Variants in CSMD1 observed in about 807,000 individuals in gnomAD.
CSMD1 encodes the protein CUB and sushi domain-containing protein 1.
CSMD1 carries 213 observed loss-of-function variants against 417.5 expected under a neutral mutation model. The ratio of observed to expected loss-of-function variants is 0.51; its 90% CI spans 0.46 to 0.57. The LOEUF (loss-of-function observed/expected upper bound fraction) is 0.57, where lower values mean the gene tolerates loss of function less well. CSMD1 is among the 20% of genes least tolerant of loss of function. The pLI is 0.00. For synonymous variants in CSMD1, 2,862 were observed against 1,736.8 expected (o/e 1.65, Z -16.11); for missense variants, 6,923 against 4,529.7 (o/e 1.53, Z -15.17).
At chr8:4,787,829 T>G (rs10503283) in intron 1 of CSMD1, 116,996 of 1,571,586 alleles carry the variant, frequency 0.074, 5,386 homozygotes, top group East Asian at 0.24. Context: ...CAGGCTATAT[T>G]TGAAATGCTG....
At chr8:4,251,884 G>A (rs1472039895) in intron 3 of CSMD1, among the ~76,000 whole-genome samples, 2 of 150,254 alleles carry the variant, frequency 1.3e-5, no homozygotes, top group Non-Finnish European at 3.0e-5. Flanking sequence ...GAGGAAGAGG[G>A]GAAGGGAGGG....
intron 1 of CSMD1, among the ~76,000 whole-genome samples, chr8:4,758,107 C>G (rs1046662656): frequency 6.6e-6 from 1 of 152,040 alleles, no homozygotes; most frequent in Non-Finnish European, 1.5e-5. Flanking sequence ...TGAAACCAAC[C>G]AAAGGAAATA....
At chr8:3,254,837 T>C (rs1381280878) in intron 26 of CSMD1, among the ~76,000 whole-genome samples, 1 of 152,062 alleles carries the variant, frequency 6.6e-6, no homozygotes, top group East Asian at 1.9e-4. Flanking sequence ...TAGCTCGGGG[T>C]CGTTTGCTAG....
chr8:3,533,985 A>G lies in CSMD1; in HGVS notation c.1345-40259T>C, dbSNP rs183222455. ...CATGAAACAAAATTTTGTTTTGGCA[A>G]TATTTATATTTTAAATCTACTTTTG... On this transcript the variant is annotated intron_variant, in intron 10 of 69. Coordinates refer to ENST00000635120, the MANE Select transcript of CSMD1 (RefSeq NM_033225.6). 3.5e-3 allele frequency among the ~76,000 whole-genome samples: 531 copies of G among 152,302 alleles called. 7 individuals are homozygous for G. Among genetic ancestry groups the G allele is most frequent in the South Asian group, 0.019 (90 of 4,826 alleles).
chr8:3,633,494 C>T (rs1308256590), intron 7 of CSMD1, among the ~76,000 whole-genome samples: 1 of 152,098 alleles, frequency 6.6e-6, no homozygotes, highest in Non-Finnish European at 1.5e-5. Context: ...ATTTAGAAGT[C>T]AAATACAGAT....
At chr8:4,572,841 G>C (rs999593452) in intron 2 of CSMD1, among the ~76,000 whole-genome samples, 1 of 151,774 alleles carries the variant, frequency 6.6e-6, no homozygotes, top group African/African-American at 2.4e-5. Flanking sequence ...CTCTAATCTT[G>C]TCTTCATGCT....
intron 51 of CSMD1, among the ~76,000 whole-genome samples, chr8:3,023,081 G>A (rs1175693920): frequency 6.6e-6 from 1 of 152,182 alleles, no homozygotes; most frequent in East Asian, 1.9e-4. Flanking sequence ...TCCAGCAATG[G>A]AACGAAATGA....
chr8:3,104,310 T>C (rs571435289), intron 46 of CSMD1, among the ~76,000 whole-genome samples: 3 of 152,282 alleles, frequency 2.0e-5, no homozygotes, highest in East Asian at 3.9e-4. Context: ...GGCACAGACG[T>C]TGGCTTTCTT....
At chr8:3,017,857 T>G (rs1808984596) in intron 52 of CSMD1, among the ~76,000 whole-genome samples, 1 of 143,750 alleles carries the variant, frequency 7.0e-6, no homozygotes, top group Non-Finnish European at 1.5e-5. Context: ...TGGAGAAGGT[T>G]CAGAAGAACC....
chr8:3,511,788 A>G (rs989675140), intron 10 of CSMD1, among the ~76,000 whole-genome samples: 1 of 150,596 alleles, frequency 6.6e-6, no homozygotes, highest in Non-Finnish European at 1.5e-5. Context: ...ATAACATAAC[A>G]TAACATAACA....
At chr8:4,153,129 T>C (rs569310910) in intron 3 of CSMD1, among the ~76,000 whole-genome samples, 4 of 152,286 alleles carry the variant, frequency 2.6e-5, no homozygotes, top group Non-Finnish European at 5.9e-5. Flanking sequence ...GGCAATGTTG[T>C]ATTGAATACT....
At chr8:4,618,609 T>C (rs1403738844) in intron 2 of CSMD1, among the ~76,000 whole-genome samples, 2 of 152,158 alleles carry the variant, frequency 1.3e-5, no homozygotes, top group Non-Finnish European at 2.9e-5. Context: ...GATGTTTTTC[T>C]GAGCTTCAGA....
chr8:4,063,365 A>T (rs1452788228), intron 3 of CSMD1, among the ~76,000 whole-genome samples: 1 of 152,194 alleles, frequency 6.6e-6, no homozygotes, highest in African/African-American at 2.4e-5. Flanking sequence ...TGTGTATGAA[A>T]AATTTAAATA....
chr8:3,376,749 C>T (rs556712613), intron 18 of CSMD1, among the ~76,000 whole-genome samples: 1 of 151,960 alleles, frequency 6.6e-6, no homozygotes, highest in African/African-American at 2.4e-5. Context: ...CCAGCACAGA[C>T]ACTGAGTTTA....
intron 26 of CSMD1, among the ~76,000 whole-genome samples, chr8:3,233,965 G>C (rs542986073): frequency 9.8e-5 from 15 of 152,292 alleles, no homozygotes; most frequent in African/African-American, 3.1e-4. Flanking sequence ...TGAGTTGCAT[G>C]CATCTATGTC....
chr8:4,665,712 T>A (rs893677668), intron 1 of CSMD1, among the ~76,000 whole-genome samples: 13 of 152,262 alleles, frequency 8.5e-5, no homozygotes, highest in African/African-American at 2.7e-4. Flanking sequence ...CTCTTTGTTC[T>A]GAGTAGTGCT....
At chr8:3,165,177 G>C (rs903567880) in intron 37 of CSMD1, among the ~76,000 whole-genome samples, 1 of 151,968 alleles carries the variant, frequency 6.6e-6, no homozygotes, top group Non-Finnish European at 1.5e-5. Context: ...TACACACCCA[G>C]TATATGTTAG....
intron 46 of CSMD1, 121 bp downstream of exon 46, chr8:3,106,407 T>G: frequency 1.6e-6 from 1 of 612,652 alleles, no homozygotes; most frequent in Non-Finnish European, 2.7e-6. Flanking sequence ...CCAAGATAAA[T>G]AAATAAATAA....
At chr8:4,455,152 A>G (rs192754019) in intron 2 of CSMD1, among the ~76,000 whole-genome samples, 1 of 152,336 alleles carries the variant, frequency 6.6e-6, no homozygotes, top group Non-Finnish European at 1.5e-5. Flanking sequence ...ACAACAGCCA[A>G]AAGGAAAATG....
Sources: allele counts gnomAD v4.1 joint callset (sites outside exome capture counted in the v4.1 genomes callset), GRCh38; gene constraint gnomAD v4.1.1; transcripts MANE v1.5; gene names NCBI Gene and HGNC (gene_info 2026-07-23, HGNC 2026-07-21).